Variants in ADCY1 observed in about 807,000 individuals in gnomAD.
ADCY1 encodes adenylate cyclase 1.
ADCY1 carries 28 observed loss-of-function variants against 105.4 expected under a neutral mutation model. The ratio of observed to expected loss-of-function variants is 0.27; its 90% CI spans 0.20 to 0.36. The LOEUF (loss-of-function observed/expected upper bound fraction) is 0.36, where lower values mean the gene tolerates loss of function less well. ADCY1 is among the 10% of genes least tolerant of loss of function. ADCY1 has a pLI of 1.00. For missense variants in ADCY1, 977 were observed against 1,434.2 expected, an observed-to-expected ratio of 0.68 and a Z score of 5.15; for synonymous variants, 655 against 623.8, an observed-to-expected ratio of 1.05 and a Z score of -0.75.
At chr7:45,583,644 C>A (rs954881796) in intron 1 of ADCY1, among the ~76,000 whole-genome samples, 30 of 152,050 alleles carry the variant, frequency 2.0e-4, no homozygotes, top group African/African-American at 6.5e-4. Flanking sequence ...TTCTTTTCCC[C>A]CTTCTTTTTT....
At chr7:45,683,108 A>G (rs991564787) in intron 11 of ADCY1, among the ~76,000 whole-genome samples, 1 of 152,194 alleles carries the variant, frequency 6.6e-6, no homozygotes, top group African/African-American at 2.4e-5. Context: ...ACTGGTGTCC[A>G]CAGTAGGGGT....
At chr7:45,637,769 C>T (rs958967570) in intron 4 of ADCY1, among the ~76,000 whole-genome samples, 1 of 152,148 alleles carries the variant, frequency 6.6e-6, no homozygotes, top group African/African-American at 2.4e-5. Context: ...TCTTGTAGTG[C>T]TGGTATGCTG....
chr7:45,625,674 GCA>G (rs1794038683), intron 4 of ADCY1, among the ~76,000 whole-genome samples: 2 of 152,180 alleles, frequency 1.3e-5, no homozygotes, highest in African/African-American at 4.8e-5. Flanking sequence ...ATGAGTATGT[GCA>G]TGTGTGTGTA....
intron 3 of ADCY1, among the ~76,000 whole-genome samples, chr7:45,610,775 G>T (rs887797534): frequency 1.2e-4 from 13 of 104,754 alleles, no homozygotes; most frequent in Admixed American, 1.9e-4. Flanking sequence ...TGATAGTGGA[G>T]GTGTGGGGGT....
intron 4 of ADCY1, among the ~76,000 whole-genome samples, chr7:45,634,951 C>T (rs1794359399): frequency 6.6e-6 from 1 of 152,162 alleles, no homozygotes; most frequent in African/African-American, 2.4e-5. Context: ...TAATGCTTAA[C>T]TCATAGACGA....
chr7:45,678,348 TTG>T (rs1784500527), intron 10 of ADCY1, 85 bp downstream of exon 10: 1 of 1,342,740 alleles, frequency 7.4e-7, no homozygotes. Context: ...GGGTTCGTGG[TTG>T]TGTTTCTGTT....
rs763477299 is a variant in ADCY1 at position 45,648,817 on chromosome 7, G to A, written c.1148+20G>A. 4 of 1,611,834 alleles carry A rather than the reference G, an allele frequency of 2.5e-6. No homozygotes were observed. The Admixed American group carries it at 5.0e-5, about 20-fold the overall frequency. On this transcript the variant is annotated intron_variant, in intron 5 of 19. Transcript: ENST00000297323. ...CATCACGTAAGTACCCCGTGGGGCT[G>A]AGAGGAGTGGCCTGGGGCATCTACA...
At chr7:45,639,563 C>G (rs10951828) in intron 4 of ADCY1, among the ~76,000 whole-genome samples, 32,934 of 152,222 alleles carry the variant, frequency 0.22, 4,207 homozygotes, top group East Asian at 0.51. Flanking sequence ...CTGCCTGGGG[C>G]TCATCCTGAT....
At chr7:45,697,637 G>A (rs539891786) in intron 14 of ADCY1, among the ~76,000 whole-genome samples, 1 of 152,218 alleles carries the variant, frequency 6.6e-6, no homozygotes, top group South Asian at 2.1e-4. Context: ...TGATCTGCCC[G>A]CCTCAGCTTC....
chr7:45,698,328 G>C (rs879478589), intron 14 of ADCY1, among the ~76,000 whole-genome samples: 1 of 152,120 alleles, frequency 6.6e-6, no homozygotes, highest in African/African-American at 2.4e-5. Context: ...TTAATTCATT[G>C]AATTGTTCAA....
At chr7:45,632,229 T>C (rs1794277035) in intron 4 of ADCY1, among the ~76,000 whole-genome samples, 1 of 152,354 alleles carries the variant, frequency 6.6e-6, no homozygotes, top group East Asian at 1.9e-4. Flanking sequence ...AGTTTTATAA[T>C]GTATAGTCTG....
In ADCY1 at chr7:45,714,179, C is replaced by A. The variant is rs576168424; in HGVS notation, c.*184C>A. 3.5e-5 allele frequency: 21 copies of A among 594,428 alleles called. No individual in the cohort carries two copies. Among genetic ancestry groups the A allele is most frequent in the African/African-American group, 3.0e-4 (16 of 53,926 alleles). The allele number at this position is 594,428 out of a possible 1,614,324, so 36.8% of individuals were successfully genotyped here. A position where few individuals can be genotyped will look rare whatever the true frequency, so the allele number is the denominator to read the frequency against. ...AGGGCCAACCACCGAGCAGGCACAG[C>A]ACAGCAGTGACTCGGTGAGGGGAGG... On this transcript the variant is annotated 3_prime_UTR_variant, in exon 20 of 20. Coordinates refer to ENST00000297323, the MANE Select transcript of ADCY1 (RefSeq NM_021116.4).
In ADCY1 at chr7:45,710,722, G is replaced by T; in HGVS notation, c.3057+70G>T. 1 of 1,529,772 alleles carries T rather than the reference G, an allele frequency of 6.5e-7. No individual in the cohort carries two copies. Among genetic ancestry groups the T allele is most frequent in the Non-Finnish European group, 8.8e-7 (1 of 1,136,974 alleles). 94.8% of individuals were successfully genotyped at this position (1,529,772 alleles called of 1,614,324 possible). A position where few individuals can be genotyped will look rare whatever the true frequency, so the allele number is the denominator to read the frequency against. ...AGGTGAGGAAACTGAGGCACAGGGG[G>T]CCAGAATTGAATCCCCAGTCTACAG... On this transcript the variant is annotated intron_variant, in intron 19 of 19. Coordinates refer to ENST00000297323, the MANE Select transcript of ADCY1 (RefSeq NM_021116.4). This position sits in a 1 kb window ranked among gnomAD's most constrained non-coding sequence, Gnocchi z 4.7.
At position 45,647,360 on chromosome 7, in the gene ADCY1, T is replaced by A. The variant is rs905322704; in HGVS notation, c.1021-1310T>A. Among the ~76,000 whole-genome samples, 1 of 152,040 alleles carries A rather than the reference T, an allele frequency of 6.6e-6. No homozygotes were observed. The highest frequency in any genetic ancestry group is 2.4e-5 in the African/African-American group (1 of 41,396). On this transcript the variant is annotated intron_variant, in intron 4 of 19. Coordinates refer to ENST00000297323, the MANE Select transcript of ADCY1 (RefSeq NM_021116.4). The surrounding 1 kb of genome is among the most constrained non-coding windows in gnomAD (Gnocchi z 4.6). ...TGTGGGGCACAGATGAGCACAGGGG[T>A]CATGAGAGCTGATGATTCTCATTCC...
intron 17 of ADCY1, 132 bp downstream of exon 17, chr7:45,704,748 G>A (rs1384065928): frequency 2.9e-6 from 2 of 700,876 alleles, no homozygotes; most frequent in Non-Finnish European, 4.9e-6. Context: ...CAGCTTGAGT[G>A]CTGTTTTTGT....
rs2116273644 is a variant in ADCY1, at chr7:45,708,733, C to G, written c.2932+269C>G. ...TGATTGTCCTGGAGACGTTCAGATG[C>G]TCCTCCAAGTCCACACTTAGCTGAA... On this transcript the variant is annotated intron_variant, in intron 18 of 19. Coordinates refer to ENST00000297323, the MANE Select transcript of ADCY1 (RefSeq NM_021116.4). The surrounding 1 kb of genome is among the most constrained non-coding windows in gnomAD (Gnocchi z 4.7). Among the ~76,000 whole-genome samples the G allele has an allele frequency of 6.6e-6, 1 of 152,358 alleles. No homozygotes were observed. The highest frequency in any genetic ancestry group is 1.5e-5 in the Non-Finnish European group (1 of 68,042).
At chr7:45,677,477 C>T (rs1455935257) in intron 8 of ADCY1, among the ~76,000 whole-genome samples, 5 of 152,214 alleles carry the variant, frequency 3.3e-5, no homozygotes, top group Non-Finnish European at 1.5e-5. Flanking sequence ...GCCACCGTTT[C>T]TCTCTCTTAG....
Position 45,703,566 on chromosome 7 carries a change from C to A in ADCY1, c.2572-34C>A. 1 of 1,609,912 alleles carries A rather than the reference C, an allele frequency of 6.2e-7. No individual in the cohort carries two copies. The highest frequency in any genetic ancestry group is 8.5e-7 in the Non-Finnish European group (1 of 1,176,884). Reference sequence around the variant, plus strand: ...GCCACCCCACTTGGCGCTCACCTGGCTGACCCTTCCTGACCCATCCTTTGA... The same window carrying A: ...GCCACCCCACTTGGCGCTCACCTGGATGACCCTTCCTGACCCATCCTTTGA... On this transcript the variant is annotated intron_variant, in intron 15 of 19. Coordinates refer to ENST00000297323, the MANE Select transcript of ADCY1 (RefSeq NM_021116.4). This position sits in a 1 kb window ranked among gnomAD's most constrained non-coding sequence, Gnocchi z 5.9.
At chr7:45,627,160 C>T (rs1794080702) in intron 4 of ADCY1, among the ~76,000 whole-genome samples, 1 of 152,206 alleles carries the variant, frequency 6.6e-6, no homozygotes, top group Non-Finnish European at 1.5e-5. Flanking sequence ...ATGATGTCAT[C>T]TTCATTCTAA....
Sources: gnomAD v4.1 joint callset for allele counts (sites outside exome capture counted in the v4.1 genomes callset) on GRCh38, gnomAD v4.1.1 for gene constraint, Gnocchi (gnomAD v3.1) non-coding constraint, MANE v1.5 for transcripts, NCBI Gene and HGNC (gene_info 2026-07-23, HGNC 2026-07-21) for gene names.